The following TENT4B variants were observed in gnomAD, a reference collection of about 807,000 sequenced individuals.
TENT4B encodes terminal nucleotidyltransferase 4B.
A neutral mutation model predicts 75.0 loss-of-function variants in TENT4B; 10 were observed. The ratio of observed to expected loss-of-function variants is 0.13; its 90% CI spans 0.08 to 0.23. TENT4B has a LOEUF of 0.23. Among genes scored for constraint, TENT4B ranks in the 10% least tolerant of loss-of-function variants. TENT4B has a pLI of 1.00. For missense variants in TENT4B, 579 were observed against 893.8 expected (o/e 0.65, Z 4.49); for synonymous variants, 350 against 357.7 (o/e 0.98, Z 0.24).
chr16:50,172,508 CTT>C (rs35688042), intron 1 of TENT4B, among the ~76,000 whole-genome samples: 40,963 of 143,650 alleles, frequency 0.29, 6,712 homozygotes, highest in African/African-American at 0.47. Flanking sequence ...GAATTTATTA[CTT>C]TTTTTTTTTT....
chr16:50,225,088 A>C lies in TENT4B; in HGVS notation c.1613-10A>C. The C allele has an allele frequency of 6.2e-7, 1 of 1,609,368 alleles. No individual in the cohort carries two copies. Among genetic ancestry groups the C allele is most frequent in the African/African-American group, 1.3e-5 (1 of 74,760 alleles). ...AAGAAACGTTTTCCAATCTTTTGCC[A>C]CTCTTTCAGGAAATGGTGTTACCTT... On this transcript the variant is annotated splice_polypyrimidine_tract_variant and intron_variant, in intron 9 of 11. Transcript: ENST00000561678.
chr16:50,200,232 C>A (rs893187509), intron 1 of TENT4B, among the ~76,000 whole-genome samples: 4 of 151,584 alleles, frequency 2.6e-5, no homozygotes, highest in Admixed American at 1.3e-4. Context: ...TGGGCGTGGT[C>A]TTATGTGCCT....
At chr16:50,216,731 G>T (rs1402525884) in intron 4 of TENT4B, among the ~76,000 whole-genome samples, 1 of 151,906 alleles carries the variant, frequency 6.6e-6, no homozygotes, top group African/African-American at 2.4e-5. Flanking sequence ...TGTTGCCCAG[G>T]CTGGTCTCTA....
chr16:50,176,149 T>A (rs928052291), intron 1 of TENT4B, among the ~76,000 whole-genome samples: 54 of 150,800 alleles, frequency 3.6e-4, no homozygotes, highest in African/African-American at 7.3e-4. Context: ...TGCAGTGGCA[T>A]GATCACAGCT....
chr16:50,199,738 A>G (rs185931409), intron 1 of TENT4B, among the ~76,000 whole-genome samples: 36 of 152,308 alleles, frequency 2.4e-4, no homozygotes, highest in East Asian at 2.3e-3. Flanking sequence ...ATTCCATTCT[A>G]TGGATATACC....
intron 1 of TENT4B, among the ~76,000 whole-genome samples, chr16:50,159,412 G>A (rs1243419983): frequency 6.6e-6 from 1 of 151,788 alleles, no homozygotes; most frequent in African/African-American, 2.4e-5. Context: ...GCCTAATTTT[G>A]TATCTTTAGT....
At chr16:50,192,787 T>C (rs2029936178) in intron 1 of TENT4B, among the ~76,000 whole-genome samples, 1 of 152,198 alleles carries the variant, frequency 6.6e-6, no homozygotes, top group Non-Finnish European at 1.5e-5. Context: ...TTTTCAACCA[T>C]TAAAAAATGT....
At chr16:50,186,408 T>C (rs2038528621) in intron 1 of TENT4B, among the ~76,000 whole-genome samples, 1 of 152,232 alleles carries the variant, frequency 6.6e-6, no homozygotes, top group Non-Finnish European at 1.5e-5. Context: ...ATGTGGTAGC[T>C]TGTATCACTT....
intron 1 of TENT4B, among the ~76,000 whole-genome samples, chr16:50,181,464 A>ATTTTTTT (rs35488041): frequency 2.7e-5 from 3 of 109,820 alleles, no homozygotes; most frequent in Non-Finnish European, 3.9e-5. Flanking sequence ...CAGCTATTGT[A>ATTTTTTT]TTTTTTTTTT....
intron 1 of TENT4B, among the ~76,000 whole-genome samples, chr16:50,196,083 T>C (rs2030218780): frequency 6.6e-6 from 1 of 152,176 alleles, no homozygotes; most frequent in South Asian, 2.1e-4. Flanking sequence ...CAGCAAAGTT[T>C]AAGAGAAATT....
chr16:50,231,148 T>C lies in TENT4B; in HGVS notation c.*1820T>C. ...GTGTTCCAAAACTGGAAACTCATAG[T>C]ACTCGTGTAAACTGTGGAAGATTTC... On this transcript the variant is annotated 3_prime_UTR_variant, in exon 12 of 12. Transcript: ENST00000561678. 1 of 985,594 alleles carries C rather than the reference T, an allele frequency of 1.0e-6. No individual in the cohort carries two copies. Among genetic ancestry groups the C allele is most frequent in the Non-Finnish European group, 1.2e-6 (1 of 829,688 alleles). The allele number at this position is 985,594 out of a possible 1,614,324, so 61.1% of individuals were successfully genotyped here.
chr16:50,231,723 T>C lies in TENT4B; in HGVS notation c.*2395T>C. 1.0e-6 allele frequency: 1 copy of C among 985,834 alleles called. No homozygotes were observed. The highest frequency in any genetic ancestry group is 1.2e-6 in the Non-Finnish European group (1 of 829,902). The allele number at this position is 985,834 out of a possible 1,614,324, so 61.1% of individuals were successfully genotyped here. On this transcript the variant is annotated 3_prime_UTR_variant, in exon 12 of 12. Transcript: ENST00000561678. ...AAGGAGAAATTGAGGTGTGTATACA[T>C]TTCCTCAAATGACCAGCATTGTATT...
Position 50,153,524 on chromosome 16 carries a change from C to T in TENT4B, c.-98C>T, listed in dbSNP as rs1035071432. ...GCAGCAGCAGCGGCAGCAGCGGCAG[C>T]AGCAGCAGCAGCCGAGGCCGGGCGT... On this transcript the variant is annotated 5_prime_UTR_variant, in exon 1 of 12. Coordinates refer to ENST00000561678, the MANE Select transcript of TENT4B (RefSeq NM_001365324.3). 92 of 977,524 alleles carry T rather than the reference C, an allele frequency of 9.4e-5. No individual in the cohort carries two copies. Among genetic ancestry groups the T allele is most frequent in the Non-Finnish European group, 7.7e-5 (64 of 826,358 alleles). 60.6% of individuals were successfully genotyped at this position (977,524 alleles called of 1,614,324 possible).
intron 1 of TENT4B, among the ~76,000 whole-genome samples, chr16:50,186,028 G>A (rs1421614097): frequency 8.5e-5 from 13 of 152,068 alleles, no homozygotes; most frequent in South Asian, 8.3e-4. Flanking sequence ...TTAGCTTAAC[G>A]TTTTTCTTAT....
intron 2 of TENT4B, among the ~76,000 whole-genome samples, chr16:50,213,118 G>C (rs1327513317): frequency 6.6e-6 from 1 of 151,876 alleles, no homozygotes; most frequent in Non-Finnish European, 1.5e-5. Flanking sequence ...GGAGTGCAGT[G>C]ACATGATCTC....
chr16:50,176,688 G>A (rs779504383), intron 1 of TENT4B, among the ~76,000 whole-genome samples: 11 of 151,288 alleles, frequency 7.3e-5, no homozygotes, highest in Non-Finnish European at 1.2e-4. Context: ...TGTATTTTTA[G>A]TAGAGATGGG....
intron 5 of TENT4B, 69 bp downstream of exon 5, chr16:50,217,732 G>A (rs1294328039): frequency 5.2e-6 from 5 of 961,056 alleles, no homozygotes; most frequent in South Asian, 1.6e-5. Context: ...TTGTGGTGGT[G>A]TTCTAATATT....
intron 4 of TENT4B, among the ~76,000 whole-genome samples, chr16:50,216,578 C>G (rs1406537689): frequency 6.6e-6 from 1 of 152,222 alleles, no homozygotes; most frequent in Non-Finnish European, 1.5e-5. Flanking sequence ...TCCCAAAATG[C>G]TGGGATTACA....
rs2031961543 is a variant in TENT4B at position 50,224,521 on chromosome 16, A to T, written c.1382-136A>T. 1.6e-5 allele frequency: 16 copies of T among 995,436 alleles called. No individual in the cohort carries two copies. In the South Asian group the frequency reaches 2.7e-4, roughly 17 times the overall value. 61.7% of individuals were successfully genotyped at this position (995,436 alleles called of 1,614,324 possible). On this transcript the variant is annotated intron_variant, in intron 7 of 11. Coordinates refer to ENST00000561678, the MANE Select transcript of TENT4B (RefSeq NM_001365324.3). Reference sequence around the variant, plus strand: ...ATTCAGAGACTGGGGAGCTTTGGGGACAGCTCACAGCTCAGCTTCCAGGCA... The same window carrying T: ...ATTCAGAGACTGGGGAGCTTTGGGGTCAGCTCACAGCTCAGCTTCCAGGCA...
Sources: allele counts gnomAD v4.1 joint callset (sites outside exome capture counted in the v4.1 genomes callset), GRCh38; gene constraint gnomAD v4.1.1; transcripts MANE v1.5; gene names NCBI Gene and HGNC (gene_info 2026-07-23, HGNC 2026-07-21).